The following IMMP2L variants were observed in gnomAD, a reference collection of about 807,000 sequenced individuals.
IMMP2L encodes the protein inner mitochondrial membrane peptidase subunit 2.
In IMMP2L, 18 loss-of-function variants were observed where a neutral mutation model predicts 19.3. The observed-to-expected ratio is 0.93, with a 90% CI of 0.64 to 1.38. IMMP2L has a LOEUF of 1.38. Among genes scored for constraint, IMMP2L ranks in the 40% most tolerant of loss-of-function variants. The pLI is 0.00. For synonymous variants in IMMP2L, 76 were observed against 73.0 expected, an observed-to-expected ratio of 1.04 and a Z score of -0.21; for missense variants, 233 against 218.2, an observed-to-expected ratio of 1.07 and a Z score of -0.43.
chr7:110,752,177 T>G (rs572630217), intron 5 of IMMP2L, among the ~76,000 whole-genome samples: 1 of 152,148 alleles, frequency 6.6e-6, no homozygotes, highest in East Asian at 1.9e-4. Flanking sequence ...TGAGGTTTAG[T>G]GCTATAGAAA....
chr7:111,456,090 C>T (rs1214551346), intron 3 of IMMP2L, among the ~76,000 whole-genome samples: 1 of 151,578 alleles, frequency 6.6e-6, no homozygotes, highest in East Asian at 1.9e-4. Context: ...GAATAATCCA[C>T]ACAGACTGCT....
chr7:111,137,365 T>C (rs1802447969), intron 3 of IMMP2L, among the ~76,000 whole-genome samples: 1 of 152,150 alleles, frequency 6.6e-6, no homozygotes. Context: ...TCAGTGTTAG[T>C]TGGTAATTAT....
intron 3 of IMMP2L, among the ~76,000 whole-genome samples, chr7:111,479,401 C>T (rs1297127657): frequency 6.6e-6 from 1 of 152,084 alleles, no homozygotes; most frequent in East Asian, 1.9e-4. Context: ...CATTTACAGC[C>T]AGAAATAGAA....
chr7:110,994,133 CTT>C (rs532276576), intron 3 of IMMP2L, among the ~76,000 whole-genome samples: 88 of 149,452 alleles, frequency 5.9e-4, no homozygotes, highest in Admixed American at 1.5e-3. Flanking sequence ...TACTCTCTCT[CTT>C]TTTTTTTTCT....
intron 4 of IMMP2L, among the ~76,000 whole-genome samples, chr7:110,920,201 C>G (rs922290786): frequency 6.6e-6 from 1 of 152,142 alleles, no homozygotes; most frequent in African/African-American, 2.4e-5. Context: ...GTCCATCACA[C>G]CTTGTGATCA....
At chr7:111,258,102 T>C (rs2129637355) in intron 3 of IMMP2L, among the ~76,000 whole-genome samples, 1 of 152,264 alleles carries the variant, frequency 6.6e-6, no homozygotes, top group African/African-American at 2.4e-5. Flanking sequence ...CAATGATATG[T>C]AATTACTAAA....
At chr7:111,393,395 T>TA (rs1385842996) in intron 3 of IMMP2L, among the ~76,000 whole-genome samples, 2 of 152,236 alleles carry the variant, frequency 1.3e-5, no homozygotes, top group African/African-American at 2.4e-5. Context: ...TTACCTTTTG[T>TA]AAAAAACTTG....
chr7:111,110,965 A>C (rs541882341), intron 3 of IMMP2L, among the ~76,000 whole-genome samples: 1 of 152,230 alleles, frequency 6.6e-6, no homozygotes, highest in African/African-American at 2.4e-5. Context: ...TTAAATCCTA[A>C]CCTGTGAAGC....
At chr7:110,874,277 G>A (rs1183422916) in intron 5 of IMMP2L, among the ~76,000 whole-genome samples, 1 of 152,004 alleles carries the variant, frequency 6.6e-6, no homozygotes, top group Non-Finnish European at 1.5e-5. Flanking sequence ...TGAACCTAAA[G>A]GATGGGAATA....
At chr7:110,794,476 C>T (rs1171466488) in intron 5 of IMMP2L, among the ~76,000 whole-genome samples, 1 of 151,960 alleles carries the variant, frequency 6.6e-6, no homozygotes, top group East Asian at 1.9e-4. Flanking sequence ...TGTTTTAGTG[C>T]CGATTAAAGA....
chr7:111,164,685 C>T (rs1430786645), intron 3 of IMMP2L, among the ~76,000 whole-genome samples: 1 of 151,936 alleles, frequency 6.6e-6, no homozygotes, highest in Non-Finnish European at 1.5e-5. Flanking sequence ...GTCAGAAAAG[C>T]AAAGGAAGGG....
At position 110,882,287 on chromosome 7, in the gene IMMP2L, G is replaced by GCCTTCCTTCCTT. The variant is rs111710073; in HGVS notation, c.408+4294_408+4305dup. 6.9e-3 allele frequency among the ~76,000 whole-genome samples: 840 copies of GCCTTCCTTCCTT among 122,144 alleles called. 15 individuals are homozygous for GCCTTCCTTCCTT. The highest frequency in any genetic ancestry group is 0.013 in the African/African-American group (387 of 30,152). 80.1% of individuals were successfully genotyped at this position (122,144 alleles called of 152,430 possible). The stretch of plus-strand genomic sequence containing the variant: ...GTCCCAATTCCTCTCTTTGTCAAGT[G>GCCTTCCTTCCTT]CCTTCCTTCCTTCCTTCCTTCCTTC... On this transcript the variant is annotated intron_variant, in intron 5 of 5. Coordinates refer to ENST00000405709, the MANE Select transcript of IMMP2L (RefSeq NM_032549.4).
chr7:111,286,404 T>G (rs1019902238), intron 3 of IMMP2L, among the ~76,000 whole-genome samples: 11 of 152,158 alleles, frequency 7.2e-5, no homozygotes, highest in Non-Finnish European at 1.3e-4. Context: ...AGATTGCGTA[T>G]TAATGACCCT....
chr7:110,814,719 G>A (rs958303346), intron 5 of IMMP2L, among the ~76,000 whole-genome samples: 20 of 139,712 alleles, frequency 1.4e-4, no homozygotes, highest in African/African-American at 4.4e-4. Context: ...ATATATATAT[G>A]TATATATATA....
intron 4 of IMMP2L, among the ~76,000 whole-genome samples, chr7:110,915,031 G>C (rs1031140063): frequency 1.5e-5 from 2 of 135,818 alleles, no homozygotes; most frequent in Non-Finnish European, 3.2e-5. Flanking sequence ...ACAGAATGGC[G>C]GTTTCTGAAA....
intron 5 of IMMP2L, among the ~76,000 whole-genome samples, chr7:110,690,132 C>G (rs73714312): frequency 1.3e-5 from 2 of 152,232 alleles, no homozygotes; most frequent in East Asian, 1.9e-4. Context: ...ACTCACCCCC[C>G]ACCTCAGACA....
At chr7:111,515,942 A>G (rs1845836298) in intron 2 of IMMP2L, among the ~76,000 whole-genome samples, 1 of 152,166 alleles carries the variant, frequency 6.6e-6, no homozygotes, top group Non-Finnish European at 1.5e-5. Flanking sequence ...GTGAGAAGGA[A>G]TAGTATAAAC....
intron 5 of IMMP2L, among the ~76,000 whole-genome samples, chr7:110,843,788 G>A (rs1805348103): frequency 6.6e-6 from 1 of 152,300 alleles, no homozygotes; most frequent in Non-Finnish European, 1.5e-5. Context: ...AGACCTGAAG[G>A]CTGAGGAAGG....
At chr7:111,387,457 A>T (rs1831872619) in intron 3 of IMMP2L, among the ~76,000 whole-genome samples, 1 of 152,214 alleles carries the variant, frequency 6.6e-6, no homozygotes, top group Non-Finnish European at 1.5e-5. Context: ...AACAAGGTTC[A>T]ACAAGAACTC....
Sources: gnomAD v4.1 joint callset for allele counts (sites outside exome capture counted in the v4.1 genomes callset) on GRCh38, gnomAD v4.1.1 for gene constraint, MANE v1.5 for transcripts, NCBI Gene and HGNC (gene_info 2026-07-23, HGNC 2026-07-21) for gene names.